The following MDN1 variants were observed in gnomAD, a reference collection of about 807,000 sequenced individuals.
The protein encoded by MDN1 is midasin.
In MDN1, 266 loss-of-function variants were observed where a neutral mutation model predicts 669.2. The observed-to-expected ratio is 0.40, with a 90% CI of 0.36 to 0.44. The LOEUF is 0.44. MDN1 is among the 20% of genes least tolerant of loss of function. The pLI is 1.00. For synonymous variants in MDN1, 2,385 were observed against 2,457.1 expected (o/e 0.97, Z 0.87); for missense variants, 5,940 against 6,754.0 (o/e 0.88, Z 4.22).
intron 2 of MDN1, among the ~76,000 whole-genome samples, chr6:89,801,392 C>A (rs1385919795): frequency 2.0e-5 from 3 of 152,084 alleles, no homozygotes; most frequent in African/African-American, 7.2e-5. Flanking sequence ...GTGGCTTACA[C>A]CTATAATCCC....
At position 89,656,751 on chromosome 6, in the gene MDN1, C is replaced by G; in HGVS notation, c.15234G>C (p.Ser5078=). The G allele has an allele frequency of 6.2e-7, 1 of 1,613,188 alleles. No individual in the cohort carries two copies. Among genetic ancestry groups the G allele is most frequent in the Non-Finnish European group, 8.5e-7 (1 of 1,179,594 alleles). The change falls in exon 91 of 102, where the codon TCG becomes TCC. Residue 5078 remains serine (S), a synonymous_variant. Transcript: ENST00000369393. ...ADANQAEGHE[S]NFIAQLASQK... is the part of the protein sequence containing the mutation. ...GGGAGGCCAACTGGGCAATGAAATTCGATTCATGGCCTTCTGCCTGGTTTG... is the reference window on the plus strand; with the variant it reads ...GGGAGGCCAACTGGGCAATGAAATTGGATTCATGGCCTTCTGCCTGGTTTG...
At chr6:89,734,691 A>AACGAGAGAG (rs1554188774) in intron 33 of MDN1, among the ~76,000 whole-genome samples, 1 of 112,996 alleles carries the variant, frequency 8.8e-6, no homozygotes, top group Non-Finnish European at 1.7e-5. Context: ...AAAAAAAAAC[A>AACGAGAGAG]AGAGAGAGAG....
chr6:89,705,672 T>C (rs889957437), intron 53 of MDN1, among the ~76,000 whole-genome samples: 1 of 152,106 alleles, frequency 6.6e-6, no homozygotes, highest in Admixed American at 6.5e-5. Context: ...ATTCCACGTA[T>C]AGAAAATACA....
intron 33 of MDN1, among the ~76,000 whole-genome samples, chr6:89,737,659 A>C (rs1816063232): frequency 6.6e-6 from 1 of 151,836 alleles, no homozygotes; most frequent in Non-Finnish European, 1.5e-5. Flanking sequence ...TATTTAATTA[A>C]TTAATTAATT....
At chr6:89,706,945 A>G (rs1813556154) in intron 52 of MDN1, among the ~76,000 whole-genome samples, 1 of 152,038 alleles carries the variant, frequency 6.6e-6, no homozygotes, top group African/African-American at 2.4e-5. Context: ...CTTTTCAATT[A>G]ACAAAAAAAA....
chr6:89,698,778 A>G, intron 59 of MDN1, 87 bp downstream of exon 59: 2 of 1,375,104 alleles, frequency 1.5e-6, no homozygotes, highest in East Asian at 2.3e-5. Flanking sequence ...TCACCACTCT[A>G]TGCTAGGAAT....
chr6:89,806,994 T>C (rs1477202344), intron 1 of MDN1, among the ~76,000 whole-genome samples: 2 of 152,184 alleles, frequency 1.3e-5, no homozygotes, highest in African/African-American at 4.8e-5. Flanking sequence ...TTTTATACAT[T>C]GACCTGGTAT....
At chr6:89,771,061 A>G (rs559376580) in intron 15 of MDN1, among the ~76,000 whole-genome samples, 103 of 152,304 alleles carry the variant, frequency 6.8e-4, no homozygotes, top group Non-Finnish European at 1.2e-3. Context: ...CCCACCATAA[A>G]TCTTATTCAA....
chr6:89,817,389 A>G (rs553527129), intron 1 of MDN1, among the ~76,000 whole-genome samples: 139 of 152,318 alleles, frequency 9.1e-4, no homozygotes, highest in Middle Eastern at 6.8e-3. Flanking sequence ...TGCCTACTGC[A>G]TATCAGACAC....
At chr6:89,749,473 C>A in intron 25 of MDN1, 70 bp downstream of exon 25, 1 of 1,592,754 alleles carries the variant, frequency 6.3e-7, no homozygotes, top group South Asian at 1.1e-5. Context: ...AAAAACATTT[C>A]ATTCTTACTA....
At position 89,695,189 on chromosome 6, in the gene MDN1, G is replaced by A. The variant is rs1584209107; in HGVS notation, c.9771+416C>T. 1.3e-5 allele frequency among the ~76,000 whole-genome samples: 2 copies of A among 152,294 alleles called. No individual in the cohort carries two copies. Among genetic ancestry groups the A allele is most frequent in the East Asian group, 3.9e-4 (2 of 5,168 alleles). On this transcript the variant is annotated intron_variant, in intron 61 of 101. Transcript: ENST00000369393. This position sits in a 1 kb window ranked among gnomAD's most constrained non-coding sequence, Gnocchi z 4.1. ...AGAGGTTGCAGTGAGCCGAGATTGT[G>A]CCACTGCACTCCTGCCTGGACGAGA... is the stretch of plus-strand genomic sequence containing the variant.
chr6:89,683,046 T>C, intron 73 of MDN1, 86 bp downstream of exon 73: 1 of 1,337,222 alleles, frequency 7.5e-7, no homozygotes, highest in Non-Finnish European at 1.1e-6. Context: ...TTTTCTTGTC[T>C]AGTACTGAGG....
At chr6:89,683,429 A>G (rs1811782166) in intron 72 of MDN1, 99 bp from the exon 73 acceptor site, 1 of 911,270 alleles carries the variant, frequency 1.1e-6, no homozygotes, top group Non-Finnish European at 1.7e-6. Context: ...ATAATCTAAT[A>G]CCCTGTACCT....
In MDN1 at chr6:89,677,611, G is replaced by T. The variant is rs116003199; in HGVS notation, c.12498C>A (p.Ser4166Arg). 1 of 1,614,158 alleles carries T rather than the reference G, an allele frequency of 6.2e-7. No homozygotes were observed. Among genetic ancestry groups the T allele is most frequent in the Middle Eastern group, 1.6e-4 (1 of 6,062 alleles). ...GAGTGCTGCTGACGATGGACAATGC[G>T]CTCTGGAGATCTAATGGGTGAAGAT... ...MLHLHPLDLQ[S>R]ALSIVSSTQE... is the part of the protein sequence containing the mutation. Residue 4166 changes from serine to arginine, a missense_variant, in exon 76 of 102, where the codon AGC becomes AGA. Ser to Arg is a moderately radical substitution (Grantham distance 110). Coordinates refer to ENST00000369393, the MANE Select transcript of MDN1 (RefSeq NM_014611.3).
At chr6:89,668,263 G>T in intron 83 of MDN1, 112 bp from the exon 84 acceptor site, 1 of 1,314,352 alleles carries the variant, frequency 7.6e-7, no homozygotes, top group Non-Finnish European at 1.0e-6. Flanking sequence ...TCTTTTTCTA[G>T]CTCATTATCT....
At chr6:89,714,774 A>G (rs763899385) in intron 45 of MDN1, 23 bp from the exon 46 acceptor site, 3 of 1,594,394 alleles carry the variant, frequency 1.9e-6, no homozygotes, top group Admixed American at 3.5e-5. Context: ...CAATTCAAAG[A>G]AAAAAATGAT....
chr6:89,695,931 GCT>G lies in MDN1; in HGVS notation c.9443_9444del (p.Glu3148AlafsTer15), dbSNP rs1812708185. The G allele has an allele frequency of 6.2e-7, 1 of 1,612,450 alleles. No individual in the cohort carries two copies. Among genetic ancestry groups the G allele is most frequent in the Non-Finnish European group, 8.5e-7 (1 of 1,179,968 alleles). ...VLFRHLAGLAELLPESRRQEY... is the reference protein window; with the variant it reads ...VLFRHLAGLAXLLPESRRQEY... ...TCCTGCCGCCGGGACTCTGGGAGCAGCTCTGCTAGGCCTGCCAGGTGCCGGAA... is the reference window on the plus strand; with the variant it reads ...TCCTGCCGCCGGGACTCTGGGAGCAGCTGCTAGGCCTGCCAGGTGCCGGAA... On this transcript the variant is annotated frameshift_variant, in exon 61 of 102. Transcript: ENST00000369393. LOFTEE classifies it high-confidence loss of function. The surrounding 1 kb of genome is among the most constrained non-coding windows in gnomAD (Gnocchi z 4.1).
chr6:89,700,406 A>C, intron 56 of MDN1, 112 bp from the exon 57 acceptor site: 1 of 876,912 alleles, frequency 1.1e-6, no homozygotes, highest in Non-Finnish European at 1.8e-6. Context: ...ATCAGAGTTA[A>C]GCTCCTTAAC....
intron 76 of MDN1, among the ~76,000 whole-genome samples, chr6:89,676,466 G>A (rs1006133477): frequency 6.6e-6 from 1 of 152,094 alleles, no homozygotes; most frequent in African/African-American, 2.4e-5. Context: ...GAGGCTAGGG[G>A]GTCATAAACT....
Sources: gnomAD v4.1 joint callset for allele counts (sites outside exome capture counted in the v4.1 genomes callset) on GRCh38, gnomAD v4.1.1 for gene constraint, Gnocchi (gnomAD v3.1) non-coding constraint, MANE v1.5 for transcripts, NCBI Gene and HGNC (gene_info 2026-07-23, HGNC 2026-07-21) for gene names.